The following PLD5 variants were observed in gnomAD, a reference collection of about 807,000 sequenced individuals.
The protein encoded by PLD5 is phospholipase D family member 5, also known as inactive phospholipase D5.
Under a neutral mutation model 61.1 loss-of-function variants are expected in PLD5, and 36 were observed. The observed-to-expected ratio is 0.59, with a 90% CI of 0.45 to 0.78. The LOEUF (loss-of-function observed/expected upper bound fraction) is 0.78, where lower values mean the gene tolerates loss of function less well. Ranked by LOEUF, PLD5 falls within the 30% of genes least tolerant of loss-of-function variation. PLD5 has a pLI of 0.00. For synonymous variants in PLD5, 243 were observed against 242.8 expected (o/e 1.00, Z -0.01); for missense variants, 515 against 644.4 (o/e 0.80, Z 2.17).
chr1:242,299,954 C>T (rs1180295368), intron 2 of PLD5, among the ~76,000 whole-genome samples: 2 of 152,100 alleles, frequency 1.3e-5, no homozygotes, highest in African/African-American at 2.4e-5. Flanking sequence ...GAGGAAACAA[C>T]GAATACATAA....
intron 3 of PLD5, among the ~76,000 whole-genome samples, chr1:242,278,704 C>T (rs1030260893): frequency 4.6e-5 from 7 of 152,218 alleles, no homozygotes; most frequent in African/African-American, 1.7e-4. Context: ...CCTCACCACA[C>T]TTTGAGCTCT....
intron 1 of PLD5, among the ~76,000 whole-genome samples, chr1:242,470,079 T>C (rs986432860): frequency 6.6e-5 from 10 of 152,122 alleles, no homozygotes; most frequent in Admixed American, 1.3e-4. Flanking sequence ...CGGTGGCTCA[T>C]GCCTGTAATC....
At chr1:242,481,195 A>T (rs564049591) in intron 1 of PLD5, among the ~76,000 whole-genome samples, 47 of 152,086 alleles carry the variant, frequency 3.1e-4, no homozygotes, top group Non-Finnish European at 4.6e-4. Context: ...CTCACTGGGG[A>T]TTGTCAGAGA....
intron 1 of PLD5, among the ~76,000 whole-genome samples, chr1:242,508,369 G>A (rs1180450098): frequency 6.0e-5 from 9 of 150,554 alleles, no homozygotes; most frequent in East Asian, 1.9e-4. Flanking sequence ...GTGAAACTCC[G>A]TCTCAAAAAA....
In PLD5 at chr1:242,348,196, G is replaced by A; in HGVS notation, c.236C>T (p.Ala79Val). Reference sequence around the variant, plus strand: ...TGAAAAGATCAGTGCAACCAGAATGGCAAAGCAGCACACCAGGGCAAAGAT... The same window carrying A: ...TGAAAAGATCAGTGCAACCAGAATGACAAAGCAGCACACCAGGGCAAAGAT... ...IVIFALVCCF[A>V]ILVALIFSAV... Residue 79 changes from alanine (A) to valine (V), a missense_variant, in exon 2 of 10, where the codon GCC becomes GTC. Around this residue, in one of 2 missense-constraint regions of PLD5, gnomAD observed 450 missense variants for 598.1 expected, o/e 0.75. Transcript: ENST00000536534. 1 of 1,612,998 alleles carries A rather than the reference G, an allele frequency of 6.2e-7. No individual in the cohort carries two copies. The highest frequency in any genetic ancestry group is 8.5e-7 in the Non-Finnish European group (1 of 1,179,670).
At chr1:242,345,752 G>A (rs919225099) in intron 2 of PLD5, 42 of 623,080 alleles carry the variant, frequency 6.7e-5, no homozygotes, top group African/African-American at 5.5e-4. Context: ...ATCCAGAAAA[G>A]GTGGTGAAAC....
intron 1 of PLD5, among the ~76,000 whole-genome samples, chr1:242,411,747 C>T (rs1291984775): frequency 6.6e-6 from 1 of 152,044 alleles, no homozygotes; most frequent in Non-Finnish European, 1.5e-5. Flanking sequence ...CAAGTTTCTC[C>T]CATTGGCAAC....
intron 4 of PLD5, among the ~76,000 whole-genome samples, chr1:242,247,154 T>C (rs1672435336): frequency 6.6e-6 from 1 of 152,054 alleles, no homozygotes; most frequent in Admixed American, 6.5e-5. Flanking sequence ...CGGCTAATTT[T>C]TGTATTTTTA....
In PLD5 at chr1:242,394,173, T is replaced by TGTATATATGA. The variant is rs1330253309; in HGVS notation, c.190-45941_190-45932dup. ...GTGTATATATATGAGTATATATATG[T>TGTATATATGA]GTATATATGAGTATATATGAGTATA... On this transcript the variant is annotated intron_variant, in intron 1 of 9. Transcript: ENST00000536534. Among the ~76,000 whole-genome samples, 9 of 79,458 alleles carry TGTATATATGA rather than the reference T, an allele frequency of 1.1e-4. 2 individuals carry two copies. Among genetic ancestry groups the TGTATATATGA allele is most frequent in the Admixed American group, 1.8e-4 (1 of 5,610 alleles). The allele number at this position is 79,458 out of a possible 152,430, so 52.1% of individuals were successfully genotyped here. A position where few individuals can be genotyped will look rare whatever the true frequency, so the allele number is the denominator to read the frequency against.
At chr1:242,143,030 TTC>T (rs1491572336) in intron 5 of PLD5, among the ~76,000 whole-genome samples, 3 of 151,250 alleles carry the variant, frequency 2.0e-5, no homozygotes, top group Middle Eastern at 3.5e-3. Context: ...TTTTTTTTTT[TTC>T]TCTCTCTCTT....
At chr1:242,131,063 T>C (rs995524969) in intron 5 of PLD5, among the ~76,000 whole-genome samples, 4 of 152,182 alleles carry the variant, frequency 2.6e-5, no homozygotes, top group South Asian at 4.2e-4. Context: ...CCCAGCACTT[T>C]GGGAGGCCGA....
chr1:242,427,654 A>C (rs1411418802), intron 1 of PLD5, among the ~76,000 whole-genome samples: 1 of 152,200 alleles, frequency 6.6e-6, no homozygotes, highest in African/African-American at 2.4e-5. Context: ...TTCCTTTTTA[A>C]CGTATTTATT....
chr1:242,173,265 C>G (rs1238676062), intron 5 of PLD5, among the ~76,000 whole-genome samples: 1 of 152,084 alleles, frequency 6.6e-6, no homozygotes, highest in Admixed American at 6.6e-5. Flanking sequence ...CAATAACAGA[C>G]AGAGAGCCAA....
At chr1:242,492,135 G>GC (rs1450191035) in intron 1 of PLD5, among the ~76,000 whole-genome samples, 1 of 152,098 alleles carries the variant, frequency 6.6e-6, no homozygotes, top group Non-Finnish European at 1.5e-5. Flanking sequence ...AATGAACACA[G>GC]CCAAGAGTTC....
chr1:242,489,773 G>A (rs1224350045), intron 1 of PLD5, among the ~76,000 whole-genome samples: 2 of 152,160 alleles, frequency 1.3e-5, no homozygotes, highest in African/African-American at 4.8e-5. Context: ...ATTTGTGTTG[G>A]CTCTTACAGA....
chr1:242,107,653 A>G lies in PLD5; in HGVS notation c.1239+18T>C. 6.4e-7 allele frequency: 1 copy of G among 1,555,128 alleles called. No individual in the cohort carries two copies. The highest frequency in any genetic ancestry group is 8.7e-7 in the Non-Finnish European group (1 of 1,153,886). On this transcript the variant is annotated intron_variant, in intron 8 of 9. Transcript: ENST00000536534. ...GCATTCACTTTTTATTTAATAACAC[A>G]GTCAACGTAATACTTACAACTTTCA...
rs114735320 is a variant in PLD5, at chr1:242,195,987, A to G, written c.735+24001T>C. Among the ~76,000 whole-genome samples, 880 of 152,188 alleles carry G rather than the reference A, an allele frequency of 5.8e-3. 8 individuals carry two copies. The highest frequency in any genetic ancestry group is 0.02 in the African/African-American group (840 of 41,534). On this transcript the variant is annotated intron_variant, in intron 5 of 9. Coordinates refer to ENST00000536534, the MANE Select transcript of PLD5 (RefSeq NM_001372062.1). ...TGAACATTTGTCTTATGTAAGGGGG[A>G]TGGACGGAAATAAATTAAATGAGAA...
chr1:242,247,151 T>C (rs1672435011), intron 4 of PLD5, among the ~76,000 whole-genome samples: 2 of 149,654 alleles, frequency 1.3e-5, no homozygotes, highest in African/African-American at 5.1e-5. Flanking sequence ...GCCCGGCTAA[T>C]TTTTGTATTT....
At chr1:242,304,468 G>A (rs1316802408) in intron 2 of PLD5, among the ~76,000 whole-genome samples, 3 of 152,172 alleles carry the variant, frequency 2.0e-5, no homozygotes, top group Non-Finnish European at 4.4e-5. Context: ...CTTCCGAGTT[G>A]ACACATTGAA....
Sources: gnomAD v4.1 joint callset for allele counts (sites outside exome capture counted in the v4.1 genomes callset) on GRCh38, gnomAD v4.1.1 for gene constraint, gnomAD v4.1.1 regional missense constraint, MANE v1.5 for transcripts, NCBI Gene and HGNC (gene_info 2026-07-23, HGNC 2026-07-21) for gene names.